Variants in GPC6 observed in about 807,000 individuals in gnomAD.
GPC6 encodes the protein glypican-6.
GPC6 carries 14 observed loss-of-function variants against 55.2 expected under a neutral mutation model. That is an observed-to-expected ratio of 0.25 (90% CI 0.17 to 0.40). The LOEUF (loss-of-function observed/expected upper bound fraction) is 0.40. Among genes scored for constraint, GPC6 ranks in the 10% least tolerant of loss-of-function variants. The probability of loss-of-function intolerance (pLI) is 1.00; values close to 1 mark genes in which losing one functional copy is unlikely to be tolerated. For missense variants in GPC6, 641 were observed against 708.5 expected (o/e 0.90, Z 1.08); for synonymous variants, 278 against 259.6 (o/e 1.07, Z -0.68).
intron 1 of GPC6, among the ~76,000 whole-genome samples, chr13:93,231,896 A>G (rs1876075797): frequency 6.6e-6 from 1 of 152,134 alleles, no homozygotes; most frequent in Non-Finnish European, 1.5e-5. Flanking sequence ...AAAAGCACTA[A>G]AGTCTTCATC....
At chr13:94,056,465 T>C (rs1466182990) in intron 4 of GPC6, among the ~76,000 whole-genome samples, 5 of 152,156 alleles carry the variant, frequency 3.3e-5, no homozygotes, top group African/African-American at 9.7e-5. Flanking sequence ...TTTGAAAGCA[T>C]GTTCAGGAAT....
intron 2 of GPC6, among the ~76,000 whole-genome samples, chr13:93,773,932 C>G (rs1362910314): frequency 1.3e-5 from 2 of 152,142 alleles, no homozygotes; most frequent in African/African-American, 4.8e-5. Context: ...CAATAGACAT[C>G]ATTTTGCCAT....
intron 1 of GPC6, among the ~76,000 whole-genome samples, chr13:93,466,119 G>C (rs1241864706): frequency 1.3e-5 from 2 of 151,824 alleles, no homozygotes; most frequent in Non-Finnish European, 2.9e-5. Flanking sequence ...GAATTAACCA[G>C]AATGCGACAC....
chr13:93,382,934 C>T (rs1875240890), intron 1 of GPC6, among the ~76,000 whole-genome samples: 3 of 152,158 alleles, frequency 2.0e-5, no homozygotes, highest in Admixed American at 6.5e-5. Context: ...CTTCTGCCCC[C>T]ACCCATCCTT....
chr13:93,984,392 T>C (rs1880934813), intron 3 of GPC6, among the ~76,000 whole-genome samples: 1 of 152,174 alleles, frequency 6.6e-6, no homozygotes, highest in Admixed American at 6.5e-5. Context: ...AAAACAGTAA[T>C]GCAGAATGAA....
chr13:94,388,422 G>T (rs1369034205), intron 7 of GPC6, among the ~76,000 whole-genome samples: 1 of 152,164 alleles, frequency 6.6e-6, no homozygotes, highest in Non-Finnish European at 1.5e-5. Flanking sequence ...ACAATGAATT[G>T]CATAGGCTTC....
chr13:93,769,883 T>C (rs1333056806), intron 2 of GPC6, among the ~76,000 whole-genome samples: 2 of 152,218 alleles, frequency 1.3e-5, no homozygotes, highest in Non-Finnish European at 2.9e-5. Flanking sequence ...CAAAACATGC[T>C]TTGACTTGAC....
chr13:93,961,140 A>G (rs554069102), intron 3 of GPC6, among the ~76,000 whole-genome samples: 13 of 152,264 alleles, frequency 8.5e-5, no homozygotes, highest in Admixed American at 7.8e-4. Flanking sequence ...AATCTTCCCA[A>G]CTGGTTGGTT....
chr13:94,085,353 A>G (rs1885246169), intron 4 of GPC6, among the ~76,000 whole-genome samples: 4 of 151,398 alleles, frequency 2.6e-5, no homozygotes, highest in South Asian at 4.2e-4. Context: ...AAGGGAAGAA[A>G]AAGAAAAAAG....
intron 2 of GPC6, among the ~76,000 whole-genome samples, chr13:93,809,074 G>C (rs559295512): frequency 6.6e-6 from 1 of 152,272 alleles, no homozygotes; most frequent in South Asian, 2.1e-4. Flanking sequence ...CATTTTAAGA[G>C]AACAACAGAT....
At chr13:93,418,924 A>G (rs375965288) in intron 1 of GPC6, among the ~76,000 whole-genome samples, 27 of 151,196 alleles carry the variant, frequency 1.8e-4, no homozygotes, top group African/African-American at 2.4e-4. Flanking sequence ...TTTTATTAAT[A>G]GCACTATACC....
chr13:94,115,899 G>A (rs568491480), intron 4 of GPC6, among the ~76,000 whole-genome samples: 5 of 152,000 alleles, frequency 3.3e-5, no homozygotes, highest in South Asian at 2.1e-4. Context: ...GAAGTCCTAC[G>A]GTGATTCTTT....
chr13:93,593,419 C>T (rs1053593633), intron 2 of GPC6, among the ~76,000 whole-genome samples: 4 of 152,050 alleles, frequency 2.6e-5, no homozygotes, highest in Non-Finnish European at 4.4e-5. Context: ...CATAAACTTA[C>T]TTTATTTCCT....
At chr13:94,175,218 T>G (rs982444819) in intron 4 of GPC6, among the ~76,000 whole-genome samples, 2 of 152,162 alleles carry the variant, frequency 1.3e-5, no homozygotes, top group African/African-American at 4.8e-5. Context: ...ACTGGCAAAC[T>G]TTTTCCATAA....
chr13:94,027,771 C>A lies in GPC6; in HGVS notation c.754C>A (p.Leu252Met). 1 of 1,614,010 alleles carries A rather than the reference C, an allele frequency of 6.2e-7. No individual in the cohort carries two copies. The highest frequency in any genetic ancestry group is 8.5e-7 in the Non-Finnish European group (1 of 1,179,942). ...PGCIRALMKMLYCPYCRGLPT... is the reference protein window; with the variant it reads ...PGCIRALMKMMYCPYCRGLPT... ...GTGTATCCGTGCCCTCATGAAGATG[C>A]TGTACTGCCCATACTGTCGGGGGCT... Residue 252 changes from leucine (L) to methionine (M), a missense_variant, in exon 4 of 9, where the codon CTG becomes ATG. Coordinates refer to ENST00000377047, the MANE Select transcript of GPC6 (RefSeq NM_005708.5).
intron 4 of GPC6, among the ~76,000 whole-genome samples, chr13:94,236,865 T>C (rs924834638): frequency 6.7e-6 from 1 of 149,816 alleles, no homozygotes; most frequent in Non-Finnish European, 1.5e-5. Flanking sequence ...CCCCCAGGGA[T>C]ATGCAAAGAA....
chr13:93,896,426 T>A (rs964245060), intron 3 of GPC6, among the ~76,000 whole-genome samples: 1 of 152,070 alleles, frequency 6.6e-6, no homozygotes, highest in African/African-American at 2.4e-5. Context: ...TTCTTTTAGA[T>A]TCAGACCATT....
At chr13:93,901,625 G>A (rs931954383) in intron 3 of GPC6, among the ~76,000 whole-genome samples, 2 of 152,012 alleles carry the variant, frequency 1.3e-5, no homozygotes, top group Non-Finnish European at 2.9e-5. Context: ...TTTAAAGGCT[G>A]GGCACGGTGG....
chr13:93,249,493 A>G (rs1876714248), intron 1 of GPC6, among the ~76,000 whole-genome samples: 1 of 152,244 alleles, frequency 6.6e-6, no homozygotes. Flanking sequence ...AGGGAACATG[A>G]AGGCCTTTAA....
Sources: gnomAD v4.1 joint callset for allele counts (sites outside exome capture counted in the v4.1 genomes callset) on GRCh38, gnomAD v4.1.1 for gene constraint, MANE v1.5 for transcripts, NCBI Gene and HGNC (gene_info 2026-07-23, HGNC 2026-07-21) for gene names.